The following NR5A2 variants were observed in gnomAD, a reference collection of about 807,000 sequenced individuals.
The protein encoded by NR5A2 is CYP7A promoter-binding factor.
In NR5A2, 26 loss-of-function variants were observed where a neutral mutation model predicts 62.7. The ratio of observed to expected loss-of-function variants is 0.41; its 90% CI spans 0.30 to 0.58. The LOEUF is 0.58. Ranked by LOEUF, NR5A2 falls within the 20% of genes least tolerant of loss-of-function variation. The pLI is 0.22. For missense variants in NR5A2, 541 were observed against 669.1 expected (o/e 0.81, Z 2.11); for synonymous variants, 246 against 241.7 (o/e 1.02, Z -0.16).
chr1:200,126,720 G>A (rs1283695234), intron 7 of NR5A2, among the ~76,000 whole-genome samples: 1 of 150,392 alleles, frequency 6.6e-6, no homozygotes, highest in Admixed American at 6.6e-5. Context: ...TACAGACGAG[G>A]TCTCACTATG....
chr1:200,031,980 A>G (rs1461016904), intron 1 of NR5A2, among the ~76,000 whole-genome samples: 1 of 152,162 alleles, frequency 6.6e-6, no homozygotes. Flanking sequence ...TCTACCAGAC[A>G]CAATGTCTAG....
intron 5 of NR5A2, among the ~76,000 whole-genome samples, chr1:200,084,966 C>A (rs776440285): frequency 6.6e-6 from 1 of 152,060 alleles, no homozygotes; most frequent in Non-Finnish European, 1.5e-5. Context: ...CCGTTTGTAC[C>A]GGATCTGATT....
intron 7 of NR5A2, among the ~76,000 whole-genome samples, chr1:200,167,456 A>G (rs1445988438): frequency 6.6e-6 from 1 of 151,744 alleles, no homozygotes; most frequent in African/African-American, 2.4e-5. Context: ...TGGCCGCCGT[A>G]TTTCTCATCT....
intron 5 of NR5A2, among the ~76,000 whole-genome samples, chr1:200,100,881 A>G (rs1665333267): frequency 6.6e-6 from 1 of 152,218 alleles, no homozygotes; most frequent in African/African-American, 2.4e-5. Flanking sequence ...GGCTCTGGCT[A>G]CAAGGAACCA....
At chr1:200,050,152 G>A (rs979947568) in intron 5 of NR5A2, among the ~76,000 whole-genome samples, 1 of 152,280 alleles carries the variant, frequency 6.6e-6, no homozygotes, top group South Asian at 2.1e-4. Flanking sequence ...CCGAGTATGT[G>A]TTAGGGTTTG....
intron 6 of NR5A2, among the ~76,000 whole-genome samples, chr1:200,116,051 A>G (rs1432509485): frequency 6.6e-6 from 1 of 152,122 alleles, no homozygotes; most frequent in Non-Finnish European, 1.5e-5. Flanking sequence ...TGAGAAAATG[A>G]TTACTTCTGA....
intron 5 of NR5A2, among the ~76,000 whole-genome samples, chr1:200,097,142 T>C (rs1665138725): frequency 6.6e-6 from 1 of 152,240 alleles, no homozygotes; most frequent in Admixed American, 6.5e-5. Flanking sequence ...TTTCTATAAA[T>C]ATCAAACCCA....
In NR5A2 at chr1:200,147,231, C is replaced by G. The variant is rs1040444545; in HGVS notation, c.1378+26276C>G. Among the ~76,000 whole-genome samples the G allele has an allele frequency of 1.3e-5, 2 of 152,214 alleles. No homozygotes were observed. The highest frequency in any genetic ancestry group is 2.9e-5 in the Non-Finnish European group (2 of 68,030). On this transcript the variant is annotated intron_variant, in intron 7 of 7. Coordinates refer to ENST00000367362, the MANE Select transcript of NR5A2 (RefSeq NM_205860.3). This position sits in a 1 kb window ranked among gnomAD's most constrained non-coding sequence, Gnocchi z 4.9. The stretch of plus-strand genomic sequence containing the variant: ...GGGCACCTCGCTGAAGCCAGCGAGG[C>G]CGCTGCACCACGTGGTGTCAGGAGA...
chr1:200,109,503 G>C (rs555432389), intron 5 of NR5A2, among the ~76,000 whole-genome samples: 1 of 152,270 alleles, frequency 6.6e-6, no homozygotes, highest in Admixed American at 6.5e-5. Flanking sequence ...AGCTCTCATA[G>C]CTAGAAAGTG....
intron 5 of NR5A2, among the ~76,000 whole-genome samples, chr1:200,063,939 A>G (rs1272526425): frequency 3.3e-5 from 5 of 152,164 alleles, no homozygotes; most frequent in African/African-American, 9.7e-5. Flanking sequence ...ACCTGAGTTC[A>G]GGAGTTCAAG....
chr1:200,070,486 A>G (rs947428096), intron 5 of NR5A2, among the ~76,000 whole-genome samples: 1 of 152,066 alleles, frequency 6.6e-6, no homozygotes, highest in African/African-American at 2.4e-5. Flanking sequence ...GCCTAAGACA[A>G]GGAGTCTCAG....
At chr1:200,114,000 G>A (rs1471640999) in intron 6 of NR5A2, among the ~76,000 whole-genome samples, 2 of 152,070 alleles carry the variant, frequency 1.3e-5, no homozygotes, top group East Asian at 3.8e-4. Context: ...GGCGAACATG[G>A]TGAAGCCCCA....
At chr1:200,101,126 A>C in intron 5 of NR5A2, among the ~76,000 whole-genome samples, 1 of 152,204 alleles carries the variant, frequency 6.6e-6, no homozygotes, top group East Asian at 1.9e-4. Context: ...ACAGATATTT[A>C]CTGTTGAATT....
At chr1:200,079,275 G>T (rs1464883569) in intron 5 of NR5A2, among the ~76,000 whole-genome samples, 1 of 152,178 alleles carries the variant, frequency 6.6e-6, no homozygotes, top group Non-Finnish European at 1.5e-5. Flanking sequence ...TGTCACTGAG[G>T]TCACCTGGCT....
At chr1:200,052,648 CT>C (rs35092946) in intron 5 of NR5A2, among the ~76,000 whole-genome samples, 35 of 147,538 alleles carry the variant, frequency 2.4e-4, no homozygotes, top group Non-Finnish European at 2.6e-4. Context: ...TTCTCACTCT[CT>C]TTTTTTTTTT....
At chr1:200,056,284 G>A (rs907607603) in intron 5 of NR5A2, among the ~76,000 whole-genome samples, 3 of 152,352 alleles carry the variant, frequency 2.0e-5, no homozygotes, top group East Asian at 3.9e-4. Flanking sequence ...CTGTGGGGCA[G>A]TGGAACATGC....
intron 7 of NR5A2, among the ~76,000 whole-genome samples, chr1:200,151,667 T>G (rs1383057316): frequency 6.6e-6 from 1 of 152,226 alleles, no homozygotes; most frequent in Non-Finnish European, 1.5e-5. Context: ...GGAGGCATTA[T>G]CATGTTTCAA....
At chr1:200,112,993 T>C (rs1187181976) in intron 6 of NR5A2, among the ~76,000 whole-genome samples, 1 of 152,218 alleles carries the variant, frequency 6.6e-6, no homozygotes, top group Non-Finnish European at 1.5e-5. Flanking sequence ...CATTTTGCCT[T>C]AAGTGCTGCC....
At chr1:200,143,941 T>C (rs773495164) in intron 7 of NR5A2, among the ~76,000 whole-genome samples, 3 of 152,062 alleles carry the variant, frequency 2.0e-5, no homozygotes, top group Admixed American at 1.3e-4. Context: ...GCCCGGCTAC[T>C]GTTCACCGTT....
Sources: gnomAD v4.1 joint callset for allele counts (sites outside exome capture counted in the v4.1 genomes callset) on GRCh38, gnomAD v4.1.1 for gene constraint, Gnocchi (gnomAD v3.1) non-coding constraint, MANE v1.5 for transcripts, NCBI Gene and HGNC (gene_info 2026-07-23, HGNC 2026-07-21) for gene names.